KIR2DL3: variants seen among roughly 807,000 people sequenced by gnomAD.
KIR2DL3 encodes the protein killer cell immunoglobulin-like receptor 2DL3.
A neutral mutation model predicts 33.8 loss-of-function variants in KIR2DL3; 39 were observed. The ratio of observed to expected loss-of-function variants is 1.15; its 90% confidence interval spans 0.89 to 1.51. KIR2DL3 has a LOEUF of 1.51. Ranked by LOEUF, KIR2DL3 falls within the 40% of genes most tolerant of loss-of-function variation. The pLI, the probability that KIR2DL3 is intolerant of heterozygous loss-of-function variation, is 0.00. For synonymous variants in KIR2DL3, 174 were observed against 160.2 expected (o/e 1.09, Z -0.65); for missense variants, 462 against 426.2 (o/e 1.08, Z -0.74).
chr19:54,750,574 A>T (rs1262709648), intron 5 of KIR2DL3, among the ~76,000 whole-genome samples: 3 of 135,582 alleles, frequency 2.2e-5, no homozygotes, highest in Non-Finnish European at 4.9e-5. Flanking sequence ...AATGCTGTGG[A>T]TGTAGAAATC....
In KIR2DL3 at chr19:54,744,079, T is replaced by C; in HGVS notation, c.655T>C (p.Ser219Pro). 2 of 1,614,224 alleles carry C rather than the reference T, an allele frequency of 1.2e-6. No homozygotes were observed. Among genetic ancestry groups the C allele is most frequent in the South Asian group, 1.1e-5 (1 of 91,092 alleles). Reference protein sequence around the residue: ...WSNSSDPLLVSVTGNPSNSWP... With the variant: ...WSNSSDPLLVPVTGNPSNSWP... ...AAACTCGAGTGACCCACTGCTTGTT[T>C]CTGTCACAGGTGAGGAAACCCCATA... The change falls in exon 4 of 8, where the codon TCT (serine) becomes CCT (proline). Residue 219 changes from serine to proline, a missense_variant. By Grantham distance (74) the Ser-to-Pro change is moderately conservative (BLOSUM62 -1). Coordinates refer to ENST00000342376, the MANE Select transcript of KIR2DL3 (RefSeq NM_015868.3).
rs1257816459 is a variant in KIR2DL3 at position 54,750,310 on chromosome 19, C to T, written c.716-1339C>T. Reference sequence around the variant, plus strand: ...CAGTGCCAGCACTAGCTCCTGCTCCCCTTTCCTACTAATTCACAGGAGGAC... The same window carrying T: ...CAGTGCCAGCACTAGCTCCTGCTCCTCTTTCCTACTAATTCACAGGAGGAC... On this transcript the variant is annotated intron_variant, in intron 5 of 7. Coordinates refer to ENST00000342376, the MANE Select transcript of KIR2DL3 (RefSeq NM_015868.3). 2.1e-4 allele frequency among the ~76,000 whole-genome samples: 29 copies of T among 140,436 alleles called. 1 individual carries two copies. The highest frequency in any genetic ancestry group is 7.5e-4 in the African/African-American group (28 of 37,326). The allele number at this position is 140,436 out of a possible 152,430, so 92.1% of individuals were successfully genotyped here. A position where few individuals can be genotyped will look rare whatever the true frequency, so the allele number is the denominator to read the frequency against.
chr19:54,749,142 A>G (rs2073040303), intron 5 of KIR2DL3, among the ~76,000 whole-genome samples: 1 of 151,264 alleles, frequency 6.6e-6, no homozygotes, highest in Admixed American at 6.6e-5. Flanking sequence ...AATGCTGGGA[A>G]TGATGTGGGG....
chr19:54,740,968 G>C (rs2070960004), intron 2 of KIR2DL3, among the ~76,000 whole-genome samples: 2 of 151,580 alleles, frequency 1.3e-5, no homozygotes, highest in African/African-American at 4.9e-5. Flanking sequence ...TATAGAGGCT[G>C]GAAAAGTCAA....
intron 5 of KIR2DL3, among the ~76,000 whole-genome samples, chr19:54,748,407 C>T (rs553026752): frequency 1.4e-5 from 2 of 141,174 alleles, no homozygotes; most frequent in Non-Finnish European, 3.1e-5. Flanking sequence ...TGTAAAATAA[C>T]ATATTCACAA....
chr19:54,740,457 C>A (rs1175617155), intron 2 of KIR2DL3, among the ~76,000 whole-genome samples: 57 of 138,136 alleles, frequency 4.1e-4, no homozygotes, highest in African/African-American at 1.0e-3. Context: ...CTGTGACCCC[C>A]GCACACACAG....
In KIR2DL3 at chr19:54,742,232, C is replaced by A. The variant is rs1264647856; in HGVS notation, c.323C>A (p.Pro108His). Residue 108 changes from proline to histidine, a missense_variant, in exon 3 of 8, where the codon CCC becomes CAC. Pro to His is a moderately conservative substitution (Grantham distance 77, BLOSUM62 -2). Transcript: ENST00000342376. ...YRCYGSVTHS[P>H]YQLSAPSDPL... ...TGCTACGGTTCTGTTACTCACTCCCCCTATCAGTTGTCAGCTCCCAGTGAC... is the reference window on the plus strand; with the variant it reads ...TGCTACGGTTCTGTTACTCACTCCCACTATCAGTTGTCAGCTCCCAGTGAC... The A allele has an allele frequency of 1.1e-5, 17 of 1,614,064 alleles. No homozygotes were observed. The highest frequency in any genetic ancestry group is 1.2e-5 in the Non-Finnish European group (14 of 1,180,028).
At chr19:54,742,314 A>C (rs35927204) in intron 3 of KIR2DL3, 35 bp downstream of exon 3, 461,876 of 1,587,722 alleles carry the variant, frequency 0.29, 67,829 homozygotes, top group South Asian at 0.4. Context: ...TGTCATTGGG[A>C]TGCAGAGTGA....
rs867850915 is a variant in KIR2DL3 at position 54,741,027 on chromosome 19, C to T, written c.71-953C>T. Among the ~76,000 whole-genome samples the T allele has an allele frequency of 2.1e-4, 32 of 151,816 alleles. No individual in the cohort carries two copies. The Middle Eastern group carries it at 0.01, about 48-fold the overall frequency. On this transcript the variant is annotated intron_variant, in intron 2 of 7. Transcript: ENST00000342376. ...AGAGGGAACAAAGCCCTGCAGATGC[C>T]TTGATTTTAGCCCAGGAAAAATAGG...
intron 2 of KIR2DL3, among the ~76,000 whole-genome samples, chr19:54,740,626 A>C (rs1208323796): frequency 1.3e-5 from 2 of 151,426 alleles, no homozygotes; most frequent in East Asian, 1.9e-4. Context: ...CATGTCCTTG[A>C]GGGTCCCATC....
intron 4 of KIR2DL3, among the ~76,000 whole-genome samples, chr19:54,744,954 A>ATATATATATT (rs1398407460): frequency 7.0e-4 from 22 of 31,258 alleles, no homozygotes; most frequent in Non-Finnish European, 1.2e-3. Flanking sequence ...ATATATATAT[A>ATATATATATT]TTTTTTTTTT....
Position 54,738,594 on chromosome 19 carries a change from G to T in KIR2DL3, c.34+15G>T, listed in dbSNP as rs1342760819. On this transcript the variant is annotated intron_variant, in intron 1 of 7. Transcript: ENST00000342376. ...GGTGTGTGTTGGTGAGTCCTGGAAGGGCATCGAGGGAGGGAGTGCGGGGAT... is the reference window on the plus strand; with the variant it reads ...GGTGTGTGTTGGTGAGTCCTGGAAGTGCATCGAGGGAGGGAGTGCGGGGAT... 3.7e-6 allele frequency: 6 copies of T among 1,614,002 alleles called. No homozygotes were observed. The highest frequency in any genetic ancestry group is 4.2e-6 in the Non-Finnish European group (5 of 1,180,036).
chr19:54,744,528 A>G (rs1369131878), intron 4 of KIR2DL3, among the ~76,000 whole-genome samples: 1 of 148,822 alleles, frequency 6.7e-6, no homozygotes, highest in Non-Finnish European at 1.5e-5. Context: ...ACCACCTTTA[A>G]CATTTTTTTT....
rs2073686453 is a variant in KIR2DL3 at position 54,752,797 on chromosome 19, G to A, written c.*278G>A. 5 of 531,250 alleles carry A rather than the reference G, an allele frequency of 9.4e-6. No homozygotes were observed. In the East Asian group the frequency reaches 1.5e-4, roughly 16 times the overall value. The allele number at this position is 531,250 out of a possible 1,614,324, so 32.9% of individuals were successfully genotyped here. A position where few individuals can be genotyped will look rare whatever the true frequency, so the allele number is the denominator to read the frequency against. ...CAATTCTCCATTTCACTTGACCCCT[G>A]CCCACCTCTCCAACCTAACTGGCTT... is the stretch of plus-strand genomic sequence containing the variant. On this transcript the variant is annotated 3_prime_UTR_variant, in exon 8 of 8. Transcript: ENST00000342376.
intron 5 of KIR2DL3, among the ~76,000 whole-genome samples, chr19:54,749,295 T>G (rs62124368): frequency 0.23 from 33,289 of 141,756 alleles, 2,080 homozygotes; most frequent in Middle Eastern, 0.3. Context: ...TTAATATGAC[T>G]GACATGAAAA....
At chr19:54,743,286 T>C (rs1392459855) in intron 3 of KIR2DL3, among the ~76,000 whole-genome samples, 5 of 151,268 alleles carry the variant, frequency 3.3e-5, no homozygotes, top group Non-Finnish European at 7.4e-5. Context: ...TACGTACAGA[T>C]AGAGAGGCAG....
Position 54,743,196 on chromosome 19 carries a change from TA to T in KIR2DL3, c.371-598del, listed in dbSNP as rs1402604065. Among the ~76,000 whole-genome samples the T allele has an allele frequency of 2.6e-5, 4 of 152,128 alleles. No homozygotes were observed. The East Asian group carries it at 5.8e-4, about 22-fold the overall frequency. On this transcript the variant is annotated intron_variant, in intron 3 of 7. Coordinates refer to ENST00000342376, the MANE Select transcript of KIR2DL3 (RefSeq NM_015868.3). The stretch of plus-strand genomic sequence containing the variant: ...TGATAAATAGGTAGATGATAGATAA[TA>T]GGTTAAAGATACATAGATGATGATT...
intron 4 of KIR2DL3, among the ~76,000 whole-genome samples, chr19:54,744,525 T>C (rs1472542866): frequency 6.6e-6 from 1 of 150,494 alleles, no homozygotes; most frequent in Non-Finnish European, 1.5e-5. Flanking sequence ...CTTACCACCT[T>C]TAACATTTTT....
At position 54,752,199 on chromosome 19, in the gene KIR2DL3, A is replaced by G. The variant is rs553524536; in HGVS notation, c.821-17A>G. The stretch of plus-strand genomic sequence containing the variant: ...AAGTGCCCTCTGAGCTGTTTTGTTG[A>G]CTTCCGTCTTCTACAGATGCTGTTG... On this transcript the variant is annotated splice_polypyrimidine_tract_variant and intron_variant, in intron 6 of 7. Transcript: ENST00000342376. 6.8e-7 allele frequency: 1 copy of G among 1,460,548 alleles called. No homozygotes were observed. Among genetic ancestry groups the G allele is most frequent in the East Asian group, 2.3e-5 (1 of 44,192 alleles). The allele number at this position is 1,460,548 out of a possible 1,614,324, so 90.5% of individuals were successfully genotyped here. A position where few individuals can be genotyped will look rare whatever the true frequency, so the allele number is the denominator to read the frequency against.
Sources: gnomAD v4.1 joint callset for allele counts (sites outside exome capture counted in the v4.1 genomes callset) on GRCh38, gnomAD v4.1.1 for gene constraint, MANE v1.5 for transcripts, NCBI Gene and HGNC (gene_info 2026-07-23, HGNC 2026-07-21) for gene names.